The following METTL25 variants were observed in gnomAD, a reference collection of about 807,000 sequenced individuals.
The protein encoded by METTL25 is probable methyltransferase-like protein 25.
Under a neutral mutation model 71.6 loss-of-function variants are expected in METTL25, and 64 were observed. The observed-to-expected ratio is 0.89, with a 90% CI of 0.73 to 1.10. The LOEUF (loss-of-function observed/expected upper bound fraction) is 1.10, where lower values mean the gene tolerates loss of function less well. Ranked by LOEUF, METTL25 falls within the 50% of genes least tolerant of loss-of-function variation. METTL25 has a pLI of 0.00. For missense variants in METTL25, 807 were observed against 707.0 expected (o/e 1.14, Z -1.60); for synonymous variants, 287 against 250.3 (o/e 1.15, Z -1.38).
At chr12:82,390,914 G>T (rs1370968025) in intron 3 of METTL25, among the ~76,000 whole-genome samples, 2 of 152,046 alleles carry the variant, frequency 1.3e-5, no homozygotes, top group Non-Finnish European at 2.9e-5. Context: ...TCAGGTGGCA[G>T]CCAACCTCTA....
At position 82,408,134 on chromosome 12, in the gene METTL25, A is replaced by G. The variant is rs190971878; in HGVS notation, c.1279+5004A>G. Among the ~76,000 whole-genome samples the G allele has an allele frequency of 1.2e-3, 180 of 152,308 alleles. No homozygotes were observed. In the Middle Eastern group the frequency reaches 0.014, roughly 12 times the overall value. On this transcript the variant is annotated intron_variant, in intron 5 of 11. Transcript: ENST00000248306. ...GAAGTTCTATAGGTAATTCTGATGAACAGCATGGTTGAAAACAAGGTATGT... is the reference window on the plus strand; with the variant it reads ...GAAGTTCTATAGGTAATTCTGATGAGCAGCATGGTTGAAAACAAGGTATGT...
intron 8 of METTL25, among the ~76,000 whole-genome samples, chr12:82,454,745 T>G (rs1223754117): frequency 6.6e-6 from 1 of 151,958 alleles, no homozygotes; most frequent in Non-Finnish European, 1.5e-5. Context: ...CCACCTATAC[T>G]TACACTATAT....
At chr12:82,371,651 T>G (rs1053447540) in intron 1 of METTL25, among the ~76,000 whole-genome samples, 4 of 152,132 alleles carry the variant, frequency 2.6e-5, no homozygotes, top group African/African-American at 9.7e-5. Context: ...CCTCCAGATT[T>G]TTTTCAGGGC....
chr12:82,398,068 A>T (rs1340478797), intron 3 of METTL25, among the ~76,000 whole-genome samples: 1 of 152,058 alleles, frequency 6.6e-6, no homozygotes, highest in Non-Finnish European at 1.5e-5. Context: ...TTGCCATCTT[A>T]GTATTGAGTC....
intron 8 of METTL25, among the ~76,000 whole-genome samples, chr12:82,449,054 C>A (rs552418266): frequency 6.6e-6 from 1 of 152,286 alleles, no homozygotes; most frequent in Non-Finnish European, 1.5e-5. Context: ...CATGTTCTTA[C>A]AATTGCATTT....
At chr12:82,402,013 A>G (rs1416664500) in intron 4 of METTL25, among the ~76,000 whole-genome samples, 1 of 152,016 alleles carries the variant, frequency 6.6e-6, no homozygotes, top group Admixed American at 6.6e-5. Context: ...TCAAAGACAG[A>G]AGAGTATTAT....
chr12:82,396,088 T>C (rs1886058172), intron 3 of METTL25, among the ~76,000 whole-genome samples: 1 of 152,194 alleles, frequency 6.6e-6, no homozygotes, highest in African/African-American at 2.4e-5. Context: ...AGTGCTTATT[T>C]TGTTATGTAT....
intron 9 of METTL25, among the ~76,000 whole-genome samples, chr12:82,465,571 G>GTT (rs1225760108): frequency 6.6e-6 from 1 of 151,818 alleles, no homozygotes; most frequent in African/African-American, 2.4e-5. Context: ...TGTTTTTGTT[G>GTT]TTGTGTCCTT....
chr12:82,371,998 C>CT (rs1883287091), intron 1 of METTL25, among the ~76,000 whole-genome samples: 1 of 152,154 alleles, frequency 6.6e-6, no homozygotes, highest in Non-Finnish European at 1.5e-5. Context: ...GAATTTGTCC[C>CT]TTTTTTCAGC....
chr12:82,464,894 AT>A (rs55734970), intron 9 of METTL25, among the ~76,000 whole-genome samples: 139,570 of 151,500 alleles, frequency 0.92, 64,637 homozygotes, highest in East Asian at 1. Context: ...TGACTTCTTG[AT>A]TTTTTTTAAT....
At chr12:82,451,087 G>C (rs1244363045) in intron 8 of METTL25, among the ~76,000 whole-genome samples, 1 of 152,060 alleles carries the variant, frequency 6.6e-6, no homozygotes, top group Non-Finnish European at 1.5e-5. Flanking sequence ...CCTGACTCCA[G>C]AGTATTTTAG....
At chr12:82,462,861 C>T (rs769920740) in intron 9 of METTL25, among the ~76,000 whole-genome samples, 1 of 152,004 alleles carries the variant, frequency 6.6e-6, no homozygotes, top group Non-Finnish European at 1.5e-5. Context: ...TTTAGATAAT[C>T]TCTAGACTAC....
At chr12:82,422,514 C>G (rs1490648649) in intron 5 of METTL25, among the ~76,000 whole-genome samples, 1 of 152,266 alleles carries the variant, frequency 6.6e-6, no homozygotes, top group East Asian at 1.9e-4. Flanking sequence ...CTCACCACTC[C>G]TATTCAACAT....
chr12:82,415,215 C>G (rs1887877147), intron 5 of METTL25, among the ~76,000 whole-genome samples: 2 of 152,084 alleles, frequency 1.3e-5, no homozygotes, highest in African/African-American at 4.8e-5. Context: ...GTAGATATGA[C>G]TCCATTAAAG....
intron 8 of METTL25, among the ~76,000 whole-genome samples, chr12:82,455,335 T>A (rs1178015909): frequency 6.6e-6 from 1 of 151,828 alleles, no homozygotes; most frequent in Non-Finnish European, 1.5e-5. Flanking sequence ...GAATAATGTG[T>A]ATGTGTAGGA....
chr12:82,445,978 A>AT (rs1303693295), intron 8 of METTL25, among the ~76,000 whole-genome samples: 1 of 152,072 alleles, frequency 6.6e-6, no homozygotes, highest in African/African-American at 2.4e-5. Context: ...TTACATGCAA[A>AT]TTTTTTACTG....
intron 1 of METTL25, among the ~76,000 whole-genome samples, chr12:82,384,379 C>A (rs1884749844): frequency 6.8e-6 from 1 of 146,926 alleles, no homozygotes; most frequent in African/African-American, 2.5e-5. Flanking sequence ...AAACAGCTCT[C>A]TCTCTCTCTC....
chr12:82,401,061 A>G (rs1013271259), intron 4 of METTL25, among the ~76,000 whole-genome samples: 7 of 152,100 alleles, frequency 4.6e-5, no homozygotes, highest in African/African-American at 1.4e-4. Context: ...TAAACTAATC[A>G]TCAAGAAAAG....
intron 1 of METTL25, among the ~76,000 whole-genome samples, chr12:82,364,868 A>G (rs1286072770): frequency 6.6e-6 from 1 of 152,144 alleles, no homozygotes; most frequent in African/African-American, 2.4e-5. Context: ...TACTATTGTT[A>G]TTGTCTGTTG....
Sources: allele counts gnomAD v4.1 joint callset (sites outside exome capture counted in the v4.1 genomes callset), GRCh38; gene constraint gnomAD v4.1.1; transcripts MANE v1.5; gene names NCBI Gene and HGNC (gene_info 2026-07-23, HGNC 2026-07-21).